The following CCDC192 variants were observed in gnomAD, a reference collection of about 807,000 sequenced individuals.
CCDC192 encodes the protein coiled-coil domain-containing protein 192.
intron 5 of CCDC192, among the ~76,000 whole-genome samples, chr5:127,845,681 A>C (rs2127073025): frequency 6.6e-6 from 1 of 152,348 alleles, no homozygotes; most frequent in African/African-American, 2.4e-5. Flanking sequence ...TATTGCGAGC[A>C]AGACCTTGGG....
chr5:127,853,346 C>G (rs1418407833), intron 5 of CCDC192, among the ~76,000 whole-genome samples: 1 of 152,130 alleles, frequency 6.6e-6, no homozygotes, highest in Non-Finnish European at 1.5e-5. Flanking sequence ...CAAACACATA[C>G]CCCTTTCTGA....
In CCDC192 at chr5:127,815,102, A is replaced by G. The variant is rs182860974; in HGVS notation, c.411+16940A>G. ...GTAGCCTTAAAAATGCTCAGTAGTA[A>G]GACTCTAGGCTGGTGTTTCTCTATC... is the stretch of plus-strand genomic sequence containing the variant. On this transcript the variant is annotated intron_variant, in intron 5 of 6. Transcript: ENST00000514853. 3.3e-5 allele frequency among the ~76,000 whole-genome samples: 5 copies of G among 152,270 alleles called. No individual in the cohort carries two copies. In the East Asian group the frequency reaches 9.7e-4, roughly 29 times the overall value.
At chr5:127,780,175 A>G (rs1265163624) in intron 3 of CCDC192, among the ~76,000 whole-genome samples, 2 of 151,724 alleles carry the variant, frequency 1.3e-5, no homozygotes, top group Non-Finnish European at 2.9e-5. Context: ...GCACACACAT[A>G]TATATATATA....
intron 5 of CCDC192, among the ~76,000 whole-genome samples, chr5:127,855,740 T>TGAGA (rs1751037406): frequency 6.6e-6 from 1 of 152,222 alleles, no homozygotes; most frequent in African/African-American, 2.4e-5. Flanking sequence ...TGAGTAGGCA[T>TGAGA]GAGAACAACA....
At position 127,931,934 on chromosome 5, in the gene CCDC192, G is replaced by A. The variant is rs538652575; in HGVS notation, c.536-9248G>A. ...TGGGAGGCCGAGGCAGGTGGATCACGAGGTCAGGAGATCGAGACCATCCTG... is the reference window on the plus strand; with the variant it reads ...TGGGAGGCCGAGGCAGGTGGATCACAAGGTCAGGAGATCGAGACCATCCTG... On this transcript the variant is annotated intron_variant, in intron 6 of 6. Transcript: ENST00000514853. 3.9e-4 allele frequency among the ~76,000 whole-genome samples: 59 copies of A among 151,962 alleles called. No individual in the cohort carries two copies. The East Asian group carries it at 0.01, about 26-fold the overall frequency.
chr5:127,910,981 T>C (rs898439496), intron 6 of CCDC192, among the ~76,000 whole-genome samples: 1 of 152,232 alleles, frequency 6.6e-6, no homozygotes, highest in Non-Finnish European at 1.5e-5. Flanking sequence ...GAATGACTTA[T>C]ATTAACCAAC....
chr5:127,892,239 C>T (rs1752752380), intron 6 of CCDC192, among the ~76,000 whole-genome samples: 1 of 151,960 alleles, frequency 6.6e-6, no homozygotes, highest in Non-Finnish European at 1.5e-5. Flanking sequence ...TGGAGAAAGC[C>T]CTAAAATTAG....
At chr5:127,833,177 C>G (rs1445550284) in intron 5 of CCDC192, among the ~76,000 whole-genome samples, 3 of 152,108 alleles carry the variant, frequency 2.0e-5, no homozygotes, top group Non-Finnish European at 4.4e-5. Flanking sequence ...TGTTCTTTTT[C>G]ACTAATGGGT....
intron 3 of CCDC192, among the ~76,000 whole-genome samples, chr5:127,761,320 A>G (rs1038165507): frequency 3.3e-5 from 5 of 152,228 alleles, no homozygotes; most frequent in Non-Finnish European, 7.3e-5. Flanking sequence ...CCCCTGACTC[A>G]TGGAGCTGAC....
At chr5:127,777,185 C>G (rs1475183876) in intron 3 of CCDC192, among the ~76,000 whole-genome samples, 2 of 152,224 alleles carry the variant, frequency 1.3e-5, no homozygotes, top group Non-Finnish European at 2.9e-5. Context: ...TCCTGCAAAG[C>G]CACAGCGGCA....
Position 127,883,825 on chromosome 5 carries a change from T to G in CCDC192, c.535+8164T>G, listed in dbSNP as rs1752447778. ...AACTAAGCATTGATCAGGACTTTGT[T>G]GGTTGCAAGTGACAGAAACCAAAAT... is the stretch of plus-strand genomic sequence containing the variant. On this transcript the variant is annotated intron_variant, in intron 6 of 6. Coordinates refer to ENST00000514853, the MANE Select transcript of CCDC192 (RefSeq NM_001317938.2). 2.0e-5 allele frequency among the ~76,000 whole-genome samples: 3 copies of G among 152,208 alleles called. No homozygotes were observed. In the South Asian group the frequency reaches 6.2e-4, roughly 32 times the overall value.
chr5:127,800,634 C>T lies in CCDC192; in HGVS notation c.411+2472C>T, dbSNP rs114722738. On this transcript the variant is annotated intron_variant, in intron 5 of 6. Coordinates refer to ENST00000514853, the MANE Select transcript of CCDC192 (RefSeq NM_001317938.2). Reference sequence around the variant, plus strand: ...ATATGACCTGAATATCTTGCTGACACCTCAGGCTAAGAATATACAAAGCCA... The same window carrying T: ...ATATGACCTGAATATCTTGCTGACATCTCAGGCTAAGAATATACAAAGCCA... Among the ~76,000 whole-genome samples, 775 of 152,146 alleles carry T rather than the reference C, an allele frequency of 5.1e-3. 9 individuals carry two copies. Among genetic ancestry groups the T allele is most frequent in the African/African-American group, 0.018 (749 of 41,526 alleles).
intron 3 of CCDC192, among the ~76,000 whole-genome samples, chr5:127,794,919 CA>C (rs1340214364): frequency 6.6e-6 from 1 of 152,060 alleles, no homozygotes; most frequent in Admixed American, 6.5e-5. Context: ...AGGAAATGAA[CA>C]AATCAAATAT....
chr5:127,786,309 C>A, intron 3 of CCDC192: 1 of 630,008 alleles, frequency 1.6e-6, no homozygotes, highest in South Asian at 1.8e-5. Context: ...ATTCAGTACT[C>A]TCTGTGACAT....
At chr5:127,704,875 A>C (rs922946184) in intron 1 of CCDC192, among the ~76,000 whole-genome samples, 2 of 127,150 alleles carry the variant, frequency 1.6e-5, no homozygotes, top group African/African-American at 5.8e-5. Flanking sequence ...ATAAATAAAT[A>C]AATAAATAAA....
At chr5:127,925,564 AAAAG>A (rs1459218792) in intron 6 of CCDC192, among the ~76,000 whole-genome samples, 1 of 152,212 alleles carries the variant, frequency 6.6e-6, no homozygotes, top group African/African-American at 2.4e-5. Context: ...AATTTAAACT[AAAAG>A]CAAGTAGCAC....
At chr5:127,860,004 G>T (rs531780422) in intron 5 of CCDC192, among the ~76,000 whole-genome samples, 3 of 152,014 alleles carry the variant, frequency 2.0e-5, no homozygotes, top group African/African-American at 7.2e-5. Context: ...CTTCCTCCTT[G>T]TACCCCTTTC....
chr5:127,727,671 C>T (rs1187615312), intron 2 of CCDC192, among the ~76,000 whole-genome samples: 12 of 152,124 alleles, frequency 7.9e-5, no homozygotes, highest in Non-Finnish European at 1.6e-4. Flanking sequence ...AGCAAGGGAA[C>T]AGAACTGGGC....
intron 5 of CCDC192, among the ~76,000 whole-genome samples, chr5:127,825,829 G>A (rs72790396): frequency 0.022 from 3,340 of 152,244 alleles, 57 homozygotes; most frequent in Middle Eastern, 0.037. Flanking sequence ...AAGATATTCC[G>A]TAAGAAGATA....
Sources: gnomAD v4.1 joint callset for allele counts (sites outside exome capture counted in the v4.1 genomes callset) on GRCh38, gnomAD v4.1.1 for gene constraint, MANE v1.5 for transcripts, NCBI Gene and HGNC (gene_info 2026-07-23, HGNC 2026-07-21) for gene names.